Variants in GALNTL6 observed in about 807,000 individuals in gnomAD.
GALNTL6 encodes the protein polypeptide N-acetylgalactosaminyltransferase like 6.
Under a neutral mutation model 73.7 loss-of-function variants are expected in GALNTL6, and 46 were observed. The ratio of observed to expected loss-of-function variants is 0.62; its 90% CI spans 0.49 to 0.80. GALNTL6 has a LOEUF of 0.80. Among genes scored for constraint, GALNTL6 ranks in the 30% least tolerant of loss-of-function variants. The pLI, the probability that GALNTL6 is intolerant of heterozygous loss-of-function variation, is 0.00. For missense variants in GALNTL6, 604 were observed against 755.0 expected, an observed-to-expected ratio of 0.80 and a Z score of 2.34; for synonymous variants, 259 against 263.7, an observed-to-expected ratio of 0.98 and a Z score of 0.17.
At chr4:172,334,887 G>T (rs1301027233) in intron 4 of GALNTL6, among the ~76,000 whole-genome samples, 1 of 151,794 alleles carries the variant, frequency 6.6e-6, no homozygotes, top group Non-Finnish European at 1.5e-5. Context: ...TTTGAGGTAA[G>T]TTTTTTCAAT....
intron 2 of GALNTL6, among the ~76,000 whole-genome samples, chr4:171,896,913 C>G (rs888883665): frequency 6.6e-6 from 1 of 151,814 alleles, no homozygotes; most frequent in Non-Finnish European, 1.5e-5. Flanking sequence ...TTTGTACAAA[C>G]TAAGAAAAGC....
chr4:172,800,698 T>C lies in GALNTL6; in HGVS notation c.554-8663T>C, dbSNP rs367886907. ...TGAATGATTAAAAATCAGAGACATT[T>C]CCATTGTTATGAAAATTGATTGATT... On this transcript the variant is annotated intron_variant, in intron 5 of 12. Coordinates refer to ENST00000506823, the MANE Select transcript of GALNTL6 (RefSeq NM_001034845.3). Among the ~76,000 whole-genome samples, 3 of 152,168 alleles carry C rather than the reference T, an allele frequency of 2.0e-5. No individual in the cohort carries two copies. In the South Asian group the frequency reaches 6.2e-4, roughly 31 times the overall value.
intron 2 of GALNTL6, among the ~76,000 whole-genome samples, chr4:172,010,720 G>A: frequency 6.6e-6 from 1 of 151,926 alleles, no homozygotes; most frequent in East Asian, 1.9e-4. Context: ...GGCATACAAG[G>A]AAAGGAAAAC....
intron 5 of GALNTL6, among the ~76,000 whole-genome samples, chr4:172,641,657 C>A (rs1000736955): frequency 1.3e-5 from 2 of 152,066 alleles, no homozygotes; most frequent in African/African-American, 4.8e-5. Context: ...CCCTATCCCA[C>A]CACCCTCAAC....
At chr4:172,542,847 C>G (rs1336482798) in intron 5 of GALNTL6, among the ~76,000 whole-genome samples, 2 of 152,100 alleles carry the variant, frequency 1.3e-5, no homozygotes, top group African/African-American at 4.8e-5. Context: ...AATCCCAGCA[C>G]TTTGGGAGGC....
intron 7 of GALNTL6, among the ~76,000 whole-genome samples, chr4:172,846,760 T>G (rs1743530885): frequency 6.6e-6 from 1 of 152,188 alleles, no homozygotes; most frequent in African/African-American, 2.4e-5. Flanking sequence ...TTTGTTGCCA[T>G]GTACACTGCA....
intron 10 of GALNTL6, among the ~76,000 whole-genome samples, chr4:172,963,087 A>C: frequency 6.6e-6 from 1 of 150,928 alleles, no homozygotes. Flanking sequence ...CTCCTCTCTG[A>C]CTCCTCACCC....
At chr4:172,058,955 T>C (rs182755476) in intron 2 of GALNTL6, among the ~76,000 whole-genome samples, 1 of 152,310 alleles carries the variant, frequency 6.6e-6, no homozygotes, top group East Asian at 1.9e-4. Context: ...AAATTTTCTA[T>C]TGAGATGTGT....
chr4:172,438,509 A>G (rs984616714), intron 5 of GALNTL6, among the ~76,000 whole-genome samples: 6 of 151,832 alleles, frequency 4.0e-5, no homozygotes, highest in African/African-American at 1.5e-4. Context: ...AAATTCTTCA[A>G]TTCATCATTA....
chr4:172,245,789 C>T (rs1737637759), intron 3 of GALNTL6, among the ~76,000 whole-genome samples: 1 of 152,066 alleles, frequency 6.6e-6, no homozygotes, highest in Admixed American at 6.6e-5. Context: ...TGTGTGTTTA[C>T]CCACTAGAGA....
intron 2 of GALNTL6, among the ~76,000 whole-genome samples, chr4:171,920,198 G>A (rs1211594105): frequency 1.3e-5 from 2 of 152,042 alleles, no homozygotes; most frequent in East Asian, 3.9e-4. Context: ...ATGGACACAG[G>A]AAGGGGAACA....
chr4:172,798,635 G>A (rs759821837), intron 5 of GALNTL6, among the ~76,000 whole-genome samples: 11 of 152,014 alleles, frequency 7.2e-5, no homozygotes, highest in Non-Finnish European at 1.6e-4. Flanking sequence ...CAGACTAATA[G>A]TAAGTCATTA....
chr4:172,621,583 A>AT (rs1392068439), intron 5 of GALNTL6, among the ~76,000 whole-genome samples: 2 of 151,900 alleles, frequency 1.3e-5, no homozygotes, highest in Admixed American at 1.3e-4. Context: ...CTAAAAAGAG[A>AT]TTTTTCTGGT....
At chr4:172,208,707 G>A (rs1308760941) in intron 2 of GALNTL6, among the ~76,000 whole-genome samples, 2 of 152,054 alleles carry the variant, frequency 1.3e-5, no homozygotes, top group African/African-American at 4.8e-5. Flanking sequence ...TTTAATAGAA[G>A]TATTGGTTCC....
intron 2 of GALNTL6, among the ~76,000 whole-genome samples, chr4:172,068,305 T>G (rs1731419655): frequency 9.1e-6 from 1 of 109,980 alleles, no homozygotes; most frequent in East Asian, 2.1e-4. Context: ...CTATAGTAGC[T>G]TCCCTGCTTT....
At chr4:172,801,692 G>T (rs1004601643) in intron 5 of GALNTL6, among the ~76,000 whole-genome samples, 1 of 151,996 alleles carries the variant, frequency 6.6e-6, no homozygotes, top group Non-Finnish European at 1.5e-5. Flanking sequence ...ATGAAGACTT[G>T]GTGTTTTGTT....
chr4:172,592,124 G>A lies in GALNTL6; in HGVS notation c.554-217237G>A, dbSNP rs143437324. On this transcript the variant is annotated intron_variant, in intron 5 of 12. Transcript: ENST00000506823. ...AGGTTTATTTAGCTCACAGTTCTGC[G>A]GTCTGAACAAGAAGCATGGTGCCAG... Among the ~76,000 whole-genome samples, 26 of 152,210 alleles carry A rather than the reference G, an allele frequency of 1.7e-4. No homozygotes were observed. In the East Asian group the frequency reaches 4.6e-3, roughly 27 times the overall value.
intron 7 of GALNTL6, among the ~76,000 whole-genome samples, chr4:172,879,660 A>G (rs1201044149): frequency 6.6e-6 from 1 of 151,968 alleles, no homozygotes; most frequent in Admixed American, 6.6e-5. Context: ...CTAAACACCT[A>G]TATTAGAAAA....
intron 2 of GALNTL6, among the ~76,000 whole-genome samples, chr4:172,198,846 A>G (rs992926420): frequency 6.6e-6 from 1 of 152,190 alleles, no homozygotes; most frequent in Non-Finnish European, 1.5e-5. Context: ...CTAGCCAGCC[A>G]TAATGTACTA....
Sources: gnomAD v4.1 joint callset for allele counts (sites outside exome capture counted in the v4.1 genomes callset) on GRCh38, gnomAD v4.1.1 for gene constraint, MANE v1.5 for transcripts, NCBI Gene and HGNC (gene_info 2026-07-23, HGNC 2026-07-21) for gene names.